Variants in SLC27A6 observed in about 807,000 individuals in gnomAD.
SLC27A6 encodes long-chain fatty acid transport protein 6.
In SLC27A6, 74 loss-of-function variants were observed where a neutral mutation model predicts 63.9. That is an observed-to-expected ratio of 1.16 (90% CI 0.96 to 1.40). SLC27A6 has a LOEUF of 1.40. SLC27A6 is among the 40% of genes most tolerant of loss of function. The probability of loss-of-function intolerance (pLI) is 0.00; values close to 1 mark genes in which losing one functional copy is unlikely to be tolerated. For synonymous variants in SLC27A6, 287 were observed against 260.8 expected, an observed-to-expected ratio of 1.10 and a Z score of -0.97; for missense variants, 794 against 732.9, an observed-to-expected ratio of 1.08 and a Z score of -0.96.
intron 4 of SLC27A6, among the ~76,000 whole-genome samples, chr5:129,005,011 C>T (rs1446128217): frequency 6.6e-6 from 1 of 152,184 alleles, no homozygotes; most frequent in African/African-American, 2.4e-5. Flanking sequence ...CTATCCCTGG[C>T]CCCGCTAACT....
At chr5:129,011,784 A>G (rs1002807602) in intron 4 of SLC27A6, among the ~76,000 whole-genome samples, 2 of 152,088 alleles carry the variant, frequency 1.3e-5, no homozygotes, top group African/African-American at 4.8e-5. Context: ...CCCTTTCTTT[A>G]TATCTGAGAA....
At chr5:129,031,860 G>A (rs727648) in intron 9 of SLC27A6, among the ~76,000 whole-genome samples, 3,930 of 152,012 alleles carry the variant, frequency 0.026, 79 homozygotes, top group African/African-American at 0.051. Context: ...GGATATGTTT[G>A]CTTGCACAGC....
chr5:129,001,745 CAG>C (rs1751341935), intron 4 of SLC27A6, among the ~76,000 whole-genome samples: 1 of 152,136 alleles, frequency 6.6e-6, no homozygotes, highest in Non-Finnish European at 1.5e-5. Flanking sequence ...TGTATTTAAA[CAG>C]AGCTTGAGAG....
chr5:128,980,843 T>G (rs777738931), intron 1 of SLC27A6, among the ~76,000 whole-genome samples: 10 of 152,196 alleles, frequency 6.6e-5, no homozygotes, highest in East Asian at 1.9e-4. Context: ...TTGAAAGTAT[T>G]AGCTTGTTTT....
intron 4 of SLC27A6, among the ~76,000 whole-genome samples, chr5:128,993,193 T>G (rs577834249): frequency 7.5e-4 from 114 of 152,348 alleles, no homozygotes; most frequent in African/African-American, 2.7e-3. Flanking sequence ...CTGTCAGTAC[T>G]GGGTGTTATT....
chr5:128,990,276 T>G (rs1461060362), intron 3 of SLC27A6, 64 bp from the exon 4 acceptor site: 1 of 1,500,294 alleles, frequency 6.7e-7, no homozygotes, highest in African/African-American at 1.4e-5. Flanking sequence ...ACATCATTCA[T>G]GTTTTATGTT....
chr5:128,966,426 C>T lies in SLC27A6; in HGVS notation c.289C>T (p.Leu97=), dbSNP rs1453412411. 6.2e-7 allele frequency: 1 copy of T among 1,607,578 alleles called. No individual in the cohort carries two copies. The highest frequency in any genetic ancestry group is 2.2e-5 in the East Asian group (1 of 44,868). Residue 97 remains leucine, a synonymous_variant, in exon 1 of 10, where the codon CTG becomes TTG. Transcript: ENST00000262462. ...KRSSRVAHVF[L]NHSSLKKGDT... ...GAGCAGCAGAGTGGCCCATGTCTTCCTGAACCATTCCTCTCTGAAAAAGGG... is the reference window on the plus strand; with the variant it reads ...GAGCAGCAGAGTGGCCCATGTCTTCTTGAACCATTCCTCTCTGAAAAAGGG...
At chr5:128,971,557 T>C (rs562831470) in intron 1 of SLC27A6, among the ~76,000 whole-genome samples, 1 of 151,484 alleles carries the variant, frequency 6.6e-6, no homozygotes, top group East Asian at 1.9e-4. Flanking sequence ...AAGTCTTTTT[T>C]ATCAGAGACT....
chr5:129,033,031 G>A (rs938947432), intron 9 of SLC27A6, 75 bp from the exon 10 acceptor site: 8 of 828,662 alleles, frequency 9.7e-6, no homozygotes, highest in Non-Finnish European at 1.4e-5. Context: ...TAATATTACA[G>A]TCTATAGTAT....
At chr5:128,969,472 G>A (rs1345564901) in intron 1 of SLC27A6, among the ~76,000 whole-genome samples, 1 of 152,064 alleles carries the variant, frequency 6.6e-6, no homozygotes, top group Non-Finnish European at 1.5e-5. Flanking sequence ...CCTTGAAGAG[G>A]TCCTTCACAT....
rs747067639 is a variant in SLC27A6, at chr5:129,027,356, G to C, written c.1454+25G>C. The C allele has an allele frequency of 5.2e-6, 8 of 1,534,568 alleles. No homozygotes were observed. In the Admixed American group the frequency reaches 1.2e-4, roughly 23 times the overall value. Reference sequence around the variant, plus strand: ...GGTATGAAATGTTATGGGATCCATAGCTTGTTCTGTAATTGTGAACCATGC... The same window carrying C: ...GGTATGAAATGTTATGGGATCCATACCTTGTTCTGTAATTGTGAACCATGC... On this transcript the variant is annotated intron_variant, in intron 7 of 9. Transcript: ENST00000262462.
rs527450618 is a variant in SLC27A6, at chr5:128,998,100, T to C, written c.969+7636T>C. 3.0e-4 allele frequency among the ~76,000 whole-genome samples: 38 copies of C among 127,514 alleles called. No individual in the cohort carries two copies. The South Asian group carries it at 9.1e-3, about 31-fold the overall frequency. The allele number at this position is 127,514 out of a possible 152,430, so 83.7% of individuals were successfully genotyped here. A position where few individuals can be genotyped will look rare whatever the true frequency, so the allele number is the denominator to read the frequency against. ...TTTGAGATCAATTTAGGCAACATAGTGACAGTCCCATCTCTACAAAAAAAA... is the reference window on the plus strand; with the variant it reads ...TTTGAGATCAATTTAGGCAACATAGCGACAGTCCCATCTCTACAAAAAAAA... On this transcript the variant is annotated intron_variant, in intron 4 of 9. Transcript: ENST00000262462.
chr5:129,009,767 T>A (rs1050530476), intron 4 of SLC27A6, among the ~76,000 whole-genome samples: 1 of 151,862 alleles, frequency 6.6e-6, no homozygotes, highest in Non-Finnish European at 1.5e-5. Context: ...CTCCACCCCC[T>A]GGGTTCAAGC....
chr5:128,967,338 GA>G (rs1749944753), intron 1 of SLC27A6, among the ~76,000 whole-genome samples: 1 of 152,154 alleles, frequency 6.6e-6, no homozygotes, highest in South Asian at 2.1e-4. Context: ...AAGAAGCTAG[GA>G]AGATGGGTTG....
At chr5:129,011,786 A>G (rs1446911171) in intron 4 of SLC27A6, among the ~76,000 whole-genome samples, 1 of 152,130 alleles carries the variant, frequency 6.6e-6, no homozygotes, top group African/African-American at 2.4e-5. Flanking sequence ...CTTTCTTTAT[A>G]TCTGAGAAAG....
intron 1 of SLC27A6, among the ~76,000 whole-genome samples, chr5:128,976,509 C>T (rs775270385): frequency 3.9e-5 from 6 of 151,934 alleles, no homozygotes; most frequent in Non-Finnish European, 7.4e-5. Flanking sequence ...AATGAAACTC[C>T]GTCTCAAACA....
chr5:129,020,890 A>G (rs1752051771), intron 5 of SLC27A6, among the ~76,000 whole-genome samples: 1 of 152,084 alleles, frequency 6.6e-6, no homozygotes, highest in South Asian at 2.1e-4. Context: ...CCAGGAGGGT[A>G]CCAAGGGTGA....
Position 128,982,671 on chromosome 5 carries a change from T to C in SLC27A6, c.482-2462T>C, listed in dbSNP as rs1750635950. ...TCTGGAACAAACATTAAAAAGAAAG[T>C]CTAGATCCTTTGCTTATCCAGTTTT... On this transcript the variant is annotated intron_variant, in intron 1 of 9. Coordinates refer to ENST00000262462, the MANE Select transcript of SLC27A6 (RefSeq NM_001017372.3). 2.6e-5 allele frequency among the ~76,000 whole-genome samples: 4 copies of C among 152,292 alleles called. No homozygotes were observed. In the South Asian group the frequency reaches 8.3e-4, roughly 32 times the overall value.
chr5:129,030,446 G>T (rs1012011868), intron 9 of SLC27A6, among the ~76,000 whole-genome samples: 2 of 151,784 alleles, frequency 1.3e-5, no homozygotes, highest in Non-Finnish European at 2.9e-5. Flanking sequence ...GCAATAACCT[G>T]TGTCATATTC....
Sources: allele counts gnomAD v4.1 joint callset (sites outside exome capture counted in the v4.1 genomes callset), GRCh38; gene constraint gnomAD v4.1.1; transcripts MANE v1.5; gene names NCBI Gene and HGNC (gene_info 2026-07-23, HGNC 2026-07-21).